TJP1: variants seen among roughly 807,000 people sequenced by gnomAD.
TJP1 encodes tight junction protein ZO-1.
Under a neutral mutation model 194.2 loss-of-function variants are expected in TJP1, and 43 were observed. The observed-to-expected ratio is 0.22, with a 90% confidence interval of 0.17 to 0.29. TJP1 has a LOEUF of 0.29. Among genes scored for constraint, TJP1 ranks in the 10% least tolerant of loss-of-function variants. The pLI, the probability that TJP1 is intolerant of heterozygous loss-of-function variation, is 1.00. For missense variants in TJP1, 1,971 were observed against 2,185.7 expected, an observed-to-expected ratio of 0.90 and a Z score of 1.96; for synonymous variants, 801 against 779.0, an observed-to-expected ratio of 1.03 and a Z score of -0.47.
intron 1 of TJP1, among the ~76,000 whole-genome samples, chr15:29,810,014 C>T (rs992017943): frequency 1.3e-4 from 20 of 152,190 alleles, no homozygotes; most frequent in Admixed American, 2.6e-4. Context: ...CTTCAAACCA[C>T]GTGTTTCCGA....
At chr15:29,786,391 T>C (rs1595889414) in intron 2 of TJP1, among the ~76,000 whole-genome samples, 1 of 152,342 alleles carries the variant, frequency 6.6e-6, no homozygotes, top group East Asian at 1.9e-4. Flanking sequence ...GGCTCCTCTA[T>C]TGCCAAATTA....
intron 2 of TJP1, among the ~76,000 whole-genome samples, chr15:29,949,543 CACCTCCACAACCACCACCTCCACT>C (rs2055507438): frequency 6.9e-6 from 1 of 144,832 alleles, no homozygotes. Context: ...CCACCACCAC[CACCTCCACAACCACCACCTCCACT>C]TCCACAACCA....
intron 2 of TJP1, among the ~76,000 whole-genome samples, chr15:29,947,839 A>C (rs1170035157): frequency 6.6e-6 from 1 of 152,210 alleles, no homozygotes; most frequent in Non-Finnish European, 1.5e-5. Context: ...TGAGGCCTAT[A>C]AAACGAGGGC....
intron 10 of TJP1, 113 bp downstream of exon 10, chr15:29,741,218 G>C: frequency 1.4e-6 from 1 of 709,924 alleles, no homozygotes; most frequent in Non-Finnish European, 2.4e-6. Flanking sequence ...CATAGTATTA[G>C]GTGGTATGTA....
chr15:29,798,003 T>A (rs1225116253), intron 2 of TJP1, among the ~76,000 whole-genome samples: 1 of 152,224 alleles, frequency 6.6e-6, no homozygotes, highest in African/African-American at 2.4e-5. Context: ...GCAATTGGTC[T>A]TGCTCTGTTG....
chr15:29,817,075 T>C (rs888543694), intron 1 of TJP1, among the ~76,000 whole-genome samples: 5 of 152,208 alleles, frequency 3.3e-5, no homozygotes, highest in Non-Finnish European at 7.3e-5. Flanking sequence ...AAAGGTCTAA[T>C]ATCCAGAATC....
chr15:29,920,704 G>A (rs564577399), intron 2 of TJP1, among the ~76,000 whole-genome samples: 1 of 152,310 alleles, frequency 6.6e-6, no homozygotes, highest in African/African-American at 2.4e-5. Context: ...GGAAGCTGCT[G>A]TGACAGCCCT....
chr15:29,766,429 G>A lies in TJP1; in HGVS notation c.426C>T (p.Gly142=). 1 of 1,614,024 alleles carries A rather than the reference G, an allele frequency of 6.2e-7. No individual in the cohort carries two copies. The highest frequency in any genetic ancestry group is 8.5e-7 in the Non-Finnish European group (1 of 1,179,986). ...TCCTTCTGTTAACCACACCACTCCG[G>A]CCACTTCTTGGATCATGTATTTCCT... ...YDEEIHDPRS[G]RSGVVNRRSE... The change falls in exon 5 of 28, where the codon GGC becomes GGT. Residue 142 remains glycine, a synonymous_variant. Coordinates refer to ENST00000614355, the MANE Select transcript of TJP1 (RefSeq NM_001330239.4).
intron 8 of TJP1, among the ~76,000 whole-genome samples, chr15:29,749,606 A>C (rs117744691): frequency 6.6e-6 from 1 of 152,164 alleles, no homozygotes; most frequent in South Asian, 2.1e-4. Flanking sequence ...AGACTCTCTC[A>C]AACGGTTCTG....
At chr15:29,799,187 T>TA (rs45617647) in intron 2 of TJP1, among the ~76,000 whole-genome samples, 100 of 151,818 alleles carry the variant, frequency 6.6e-4, no homozygotes, top group East Asian at 9.7e-4. Flanking sequence ...TGTAATATGA[T>TA]AAAAAAAATA....
chr15:29,735,414 C>T (rs939004766), intron 11 of TJP1, among the ~76,000 whole-genome samples: 2 of 151,632 alleles, frequency 1.3e-5, no homozygotes, highest in African/African-American at 4.8e-5. Context: ...CGTGGTGAAA[C>T]CCTGCCTCTA....
At chr15:29,742,579 T>A in intron 9 of TJP1, 63 bp downstream of exon 9, 2 of 1,441,534 alleles carry the variant, frequency 1.4e-6, no homozygotes, top group Admixed American at 5.2e-5. Context: ...CTTCTGTAAA[T>A]CCTAACAATT....
At chr15:29,730,987 G>A in intron 15 of TJP1, 2 of 1,301,178 alleles carry the variant, frequency 1.5e-6, no homozygotes, top group East Asian at 2.3e-5. Context: ...GCCAAGTGAA[G>A]TGTGTGCATT....
At chr15:29,748,928 G>GTC (rs1213425059) in intron 8 of TJP1, among the ~76,000 whole-genome samples, 3 of 34,636 alleles carry the variant, frequency 8.7e-5, no homozygotes, top group Non-Finnish European at 8.5e-5. Flanking sequence ...AAAAATGTGT[G>GTC]TGTGTGTGTG....
chr15:29,760,679 C>T (rs1013280865), intron 8 of TJP1, among the ~76,000 whole-genome samples: 3 of 152,070 alleles, frequency 2.0e-5, no homozygotes, highest in African/African-American at 7.2e-5. Flanking sequence ...GCCCGGCCAA[C>T]ACTAGTGTAT....
At chr15:29,965,789 T>C (rs4779688) in intron 1 of TJP1, among the ~76,000 whole-genome samples, 30,309 of 152,096 alleles carry the variant, frequency 0.2, 3,391 homozygotes, top group East Asian at 0.39. Context: ...GTATTCTACA[T>C]CTCTGTTTAA....
intron 2 of TJP1, among the ~76,000 whole-genome samples, chr15:29,774,385 A>G (rs879346628): frequency 3.3e-5 from 5 of 152,228 alleles, no homozygotes; most frequent in Non-Finnish European, 4.4e-5. Context: ...ATGAATGGAT[A>G]AAACGTGATA....
intron 1 of TJP1, among the ~76,000 whole-genome samples, chr15:29,806,823 A>G (rs2049141567): frequency 6.6e-6 from 1 of 152,218 alleles, no homozygotes. Flanking sequence ...GTAAGGCAAA[A>G]TATGTATATT....
chr15:29,764,879 A>T (rs886341384), intron 5 of TJP1, among the ~76,000 whole-genome samples: 8 of 152,196 alleles, frequency 5.3e-5, no homozygotes, highest in African/African-American at 1.9e-4. Context: ...TTCTGCCATC[A>T]TCAGCAGTGA....
Sources: gnomAD v4.1 joint callset for allele counts (sites outside exome capture counted in the v4.1 genomes callset) on GRCh38, gnomAD v4.1.1 for gene constraint, MANE v1.5 for transcripts, NCBI Gene and HGNC (gene_info 2026-07-23, HGNC 2026-07-21) for gene names.